The following NIPSNAP2 variants were observed in gnomAD, a reference collection of about 807,000 sequenced individuals.
NIPSNAP2 encodes the protein nipsnap homolog 2, also known as protein NipSnap homolog 2.
A neutral mutation model predicts 48.4 loss-of-function variants in NIPSNAP2; 42 were observed. That is an observed-to-expected ratio of 0.87 (90% CI 0.68 to 1.12). The LOEUF is 1.12. Among genes scored for constraint, NIPSNAP2 ranks in the 50% most tolerant of loss-of-function variants. NIPSNAP2 has a pLI of 0.00. For synonymous variants in NIPSNAP2, 158 were observed against 126.6 expected (o/e 1.25, Z -1.67); for missense variants, 314 against 347.3 (o/e 0.90, Z 0.76).
intron 1 of NIPSNAP2, among the ~76,000 whole-genome samples, chr7:55,972,768 G>A (rs965335457): frequency 1.3e-5 from 2 of 152,046 alleles, no homozygotes; most frequent in East Asian, 1.9e-4. Context: ...TGTAGTGTAC[G>A]TAAAACACTT....
chr7:55,989,568 C>G (rs906830347), intron 7 of NIPSNAP2, among the ~76,000 whole-genome samples: 1 of 151,968 alleles, frequency 6.6e-6, no homozygotes, highest in South Asian at 2.1e-4. Flanking sequence ...GAGGCTGCAG[C>G]AAGCCATGAT....
intron 7 of NIPSNAP2, among the ~76,000 whole-genome samples, chr7:55,988,378 T>C (rs1166638749): frequency 6.6e-6 from 1 of 152,174 alleles, no homozygotes; most frequent in Non-Finnish European, 1.5e-5. Context: ...TCAACCTTCT[T>C]AGTCATTATG....
chr7:55,991,759 A>T (rs866745766), intron 7 of NIPSNAP2: 1,658 of 127,074 alleles, frequency 0.013, 12 homozygotes, highest in Middle Eastern at 0.038. Flanking sequence ...AAAAAAAAAA[A>T]AAAAAAATAT....
intron 7 of NIPSNAP2, among the ~76,000 whole-genome samples, chr7:55,993,575 TAAAA>T (rs11317055): frequency 1.2e-4 from 14 of 121,054 alleles, no homozygotes; most frequent in East Asian, 9.6e-4. Flanking sequence ...AGACTCCATC[TAAAA>T]AAAAAAAAAA....
In NIPSNAP2 at chr7:55,983,721, C is replaced by T. The variant is rs1321981253; in HGVS notation, c.445-7C>T. On this transcript the variant is annotated splice_polypyrimidine_tract_variant and splice_region_variant and intron_variant, in intron 5 of 9. Coordinates refer to ENST00000322090, the MANE Select transcript of NIPSNAP2 (RefSeq NM_001483.3). The stretch of plus-strand genomic sequence containing the variant: ...AGATTTCATGAGCACATTTTTTTCA[C>T]TCAAAGGAATTTTTGGAATTTCGTA... The T allele has an allele frequency of 2.5e-6, 4 of 1,612,308 alleles. No individual in the cohort carries two copies. In the East Asian group the frequency reaches 8.9e-5, roughly 36 times the overall value.
intron 1 of NIPSNAP2, among the ~76,000 whole-genome samples, chr7:55,975,432 G>A (rs893434685): frequency 2.0e-5 from 3 of 152,112 alleles, no homozygotes; most frequent in African/African-American, 7.2e-5. Context: ...TTATAAAAGG[G>A]ATTGTGCAGA....
At chr7:55,982,812 A>G (rs973457524) in intron 5 of NIPSNAP2, among the ~76,000 whole-genome samples, 2 of 151,532 alleles carry the variant, frequency 1.3e-5, no homozygotes, top group African/African-American at 4.9e-5. Context: ...TTTGAAACTG[A>G]TAAGGTGGTA....
intron 5 of NIPSNAP2, among the ~76,000 whole-genome samples, chr7:55,982,551 A>G (rs1216805846): frequency 6.7e-6 from 1 of 149,272 alleles, no homozygotes; most frequent in African/African-American, 2.5e-5. Flanking sequence ...GATTGAGACC[A>G]TCCTGGCTTA....
chr7:55,969,779 C>A (rs370055485), intron 1 of NIPSNAP2, among the ~76,000 whole-genome samples: 11 of 152,064 alleles, frequency 7.2e-5, no homozygotes, highest in African/African-American at 2.2e-4. Context: ...GTCAGGAGAT[C>A]GAGACCATCC....
At chr7:55,969,721 C>T (rs1200170617) in intron 1 of NIPSNAP2, among the ~76,000 whole-genome samples, 6 of 152,098 alleles carry the variant, frequency 3.9e-5, no homozygotes, top group East Asian at 1.9e-4. Context: ...CGGTGGCTCA[C>T]GCCTGTAATC....
At chr7:55,986,033 G>A (rs1194510907) in intron 7 of NIPSNAP2, among the ~76,000 whole-genome samples, 1 of 151,900 alleles carries the variant, frequency 6.6e-6, no homozygotes, top group African/African-American at 2.4e-5. Flanking sequence ...AGGTGACAGA[G>A]TGAGACTCCT....
At chr7:55,996,632 A>T (rs531158107) in intron 8 of NIPSNAP2, among the ~76,000 whole-genome samples, 17 of 152,342 alleles carry the variant, frequency 1.1e-4, no homozygotes, top group Admixed American at 5.9e-4. Context: ...GACATTGCTC[A>T]TCTGTGGTCT....
In NIPSNAP2 at chr7:55,999,016, A is replaced by T. The variant is rs764788188; in HGVS notation, c.805A>T (p.Ile269Phe). Residue 269 changes from isoleucine (I) to phenylalanine (F), a missense_variant, in exon 10 of 10, where the codon ATT (isoleucine) becomes TTT (phenylalanine). Ile to Phe is a conservative substitution (Grantham distance 21, BLOSUM62 0). Around this residue, in one of 2 missense-constraint regions of NIPSNAP2, gnomAD observed 116 missense variants for 161.8 expected, o/e 0.72. Coordinates refer to ENST00000322090, the MANE Select transcript of NIPSNAP2 (RefSeq NM_001483.3). ...EELVYYTVPL[I>F]QEMESRIMIP... ...CCTGATCTTGTTTTCAGTTCCACTTATTCAGGAAATGGAATCCAGAATCAT... is the reference window on the plus strand; with the variant it reads ...CCTGATCTTGTTTTCAGTTCCACTTTTTCAGGAAATGGAATCCAGAATCAT... 59 of 1,613,858 alleles carry T rather than the reference A, an allele frequency of 3.7e-5. No homozygotes were observed. Among genetic ancestry groups the T allele is most frequent in the Non-Finnish European group, 4.7e-5 (56 of 1,179,848 alleles).
intron 9 of NIPSNAP2, among the ~76,000 whole-genome samples, 190 bp downstream of exon 9, chr7:55,997,639 A>G (rs1309036322): frequency 6.6e-6 from 1 of 152,186 alleles, no homozygotes; most frequent in African/African-American, 2.4e-5. Flanking sequence ...AAAGTAGAAT[A>G]TCCATGCTTT....
chr7:55,998,821 G>T (rs1277164675), intron 9 of NIPSNAP2, among the ~76,000 whole-genome samples, 187 bp from the exon 10 acceptor site: 2 of 152,270 alleles, frequency 1.3e-5, no homozygotes, highest in East Asian at 1.9e-4. Context: ...ATAGCATCTT[G>T]TAGGATGGCA....
At chr7:55,967,833 A>G (rs1464542131) in intron 1 of NIPSNAP2, among the ~76,000 whole-genome samples, 3 of 151,240 alleles carry the variant, frequency 2.0e-5, no homozygotes, top group African/African-American at 2.4e-5. Flanking sequence ...TATTTTTAGT[A>G]GAGATGGGGT....
Position 55,978,155 on chromosome 7 carries a change from G to T in NIPSNAP2, c.122G>T (p.Arg41Leu). 6.2e-7 allele frequency: 1 copy of T among 1,614,106 alleles called. No individual in the cohort carries two copies. Among genetic ancestry groups the T allele is most frequent in the Non-Finnish European group, 8.5e-7 (1 of 1,180,024 alleles). ...TGGACATCTTCCAGCAACAGATCTC[G>T]AGAAGACAGCTGGCTAAAATCCTTA... ...RTWTSSSNRS[R>L]EDSWLKSLFV... Residue 41 changes from arginine to leucine, a missense_variant, in exon 2 of 10, where the codon CGA becomes CTA. Coordinates refer to ENST00000322090, the MANE Select transcript of NIPSNAP2 (RefSeq NM_001483.3).
At chr7:55,994,596 C>A (rs112851611) in intron 7 of NIPSNAP2, among the ~76,000 whole-genome samples, 22,956 of 151,952 alleles carry the variant, frequency 0.15, 1,876 homozygotes, top group Non-Finnish European at 0.18. Context: ...GCCTGTAATC[C>A]CAGCTACTCA....
At chr7:55,988,532 C>CCA (rs1787377419) in intron 7 of NIPSNAP2, among the ~76,000 whole-genome samples, 2 of 152,056 alleles carry the variant, frequency 1.3e-5, no homozygotes, top group Admixed American at 1.3e-4. Flanking sequence ...TAAAATGGTG[C>CCA]AGCCACTTTG....
Sources: gnomAD v4.1 joint callset for allele counts (sites outside exome capture counted in the v4.1 genomes callset) on GRCh38, gnomAD v4.1.1 for gene constraint, gnomAD v4.1.1 regional missense constraint, MANE v1.5 for transcripts, NCBI Gene and HGNC (gene_info 2026-07-23, HGNC 2026-07-21) for gene names.